The following PTCHD4 variants were observed in gnomAD, a reference collection of about 807,000 sequenced individuals.
The protein encoded by PTCHD4 is patched domain containing 4.
Under a neutral mutation model 58.1 loss-of-function variants are expected in PTCHD4, and 33 were observed. The ratio of observed to expected loss-of-function variants is 0.57; its 90% confidence interval spans 0.43 to 0.76. The LOEUF is 0.76. Ranked by LOEUF, PTCHD4 falls within the 30% of genes least tolerant of loss-of-function variation. PTCHD4 has a pLI of 0.00. For synonymous variants in PTCHD4, 478 were observed against 409.6 expected (o/e 1.17, Z -2.02); for missense variants, 1,058 against 1,027.1 (o/e 1.03, Z -0.41).
chr6:47,982,647 C>A (rs1322924707), intron 4 of PTCHD4, among the ~76,000 whole-genome samples: 2 of 152,068 alleles, frequency 1.3e-5, no homozygotes, highest in Non-Finnish European at 2.9e-5. Flanking sequence ...CGCCACCAGG[C>A]CGGCTAATTT....
At chr6:48,005,290 T>C (rs1280234549) in intron 4 of PTCHD4, among the ~76,000 whole-genome samples, 2 of 152,204 alleles carry the variant, frequency 1.3e-5, no homozygotes, top group East Asian at 1.9e-4. Flanking sequence ...GGGATGATAC[T>C]GATAAGCATG....
chr6:47,953,199 G>C (rs1285549794), intron 4 of PTCHD4, among the ~76,000 whole-genome samples: 2 of 151,908 alleles, frequency 1.3e-5, no homozygotes, highest in African/African-American at 4.8e-5. Flanking sequence ...TTTGACACTT[G>C]TATGCAAAAA....
At chr6:47,980,656 A>G (rs999403228) in intron 4 of PTCHD4, among the ~76,000 whole-genome samples, 1 of 151,942 alleles carries the variant, frequency 6.6e-6, no homozygotes, top group Non-Finnish European at 1.5e-5. Flanking sequence ...CTTTGCATGA[A>G]ATTTTATTTA....
chr6:47,947,076 C>T (rs1766451221), intron 4 of PTCHD4, among the ~76,000 whole-genome samples: 1 of 152,180 alleles, frequency 6.6e-6, no homozygotes, highest in East Asian at 1.9e-4. Flanking sequence ...ACCAAGTGAT[C>T]CTCCTGTCTT....
Position 47,858,226 on chromosome 6 carries a change from A to G in PTCHD4, c.*20077T>C, listed in dbSNP as rs533593948. Among the ~76,000 whole-genome samples the G allele has an allele frequency of 6.6e-6, 1 of 152,136 alleles. No individual in the cohort carries two copies. The highest frequency in any genetic ancestry group is 2.1e-4 in the South Asian group (1 of 4,824). On this transcript the variant is annotated 3_prime_UTR_variant, in exon 5 of 5. Transcript: ENST00000339488. Reference sequence around the variant, plus strand: ...TCATAAACATACTTGATTTTATAGCAGGCACCCCCAATTTTGGATTCAGGG... The same window carrying G: ...TCATAAACATACTTGATTTTATAGCGGGCACCCCCAATTTTGGATTCAGGG...
chr6:48,001,534 G>T (rs1020559266), intron 4 of PTCHD4, among the ~76,000 whole-genome samples: 1 of 152,188 alleles, frequency 6.6e-6, no homozygotes, highest in Admixed American at 6.5e-5. Flanking sequence ...AATAAATGGT[G>T]CTGGGAAAAC....
intron 4 of PTCHD4, among the ~76,000 whole-genome samples, chr6:48,008,223 G>T (rs950246548): frequency 1.1e-4 from 16 of 152,036 alleles, no homozygotes; most frequent in Admixed American, 1.0e-3. Context: ...ACACATCATT[G>T]GTCCTCAGAA....
At chr6:47,888,079 C>T (rs540803765) in intron 4 of PTCHD4, among the ~76,000 whole-genome samples, 2 of 152,248 alleles carry the variant, frequency 1.3e-5, no homozygotes, top group East Asian at 1.9e-4. Flanking sequence ...AGAGTAGGGA[C>T]GGGCATGGTG....
rs527919629 is a variant in PTCHD4, at chr6:47,867,784, C to A, written c.*10519G>T. 6.6e-6 allele frequency among the ~76,000 whole-genome samples: 1 copy of A among 151,836 alleles called. No individual in the cohort carries two copies. The highest frequency in any genetic ancestry group is 2.1e-4 in the South Asian group (1 of 4,824). ...TTACTTTCCTTGAATACTCCAGCTGCAAATTTCCTCAACAGATCATGCATA... is the reference window on the plus strand; with the variant it reads ...TTACTTTCCTTGAATACTCCAGCTGAAAATTTCCTCAACAGATCATGCATA... On this transcript the variant is annotated 3_prime_UTR_variant, in exon 5 of 5. Transcript: ENST00000339488.
chr6:48,067,155 T>C (rs1764827930), intron 3 of PTCHD4, among the ~76,000 whole-genome samples: 1 of 152,182 alleles, frequency 6.6e-6, no homozygotes, highest in Admixed American at 6.5e-5. Flanking sequence ...AGTGACTCTT[T>C]TGGAAGTCAC....
At chr6:48,047,435 T>A (rs1764075020) in intron 3 of PTCHD4, among the ~76,000 whole-genome samples, 1 of 151,820 alleles carries the variant, frequency 6.6e-6, no homozygotes, top group South Asian at 2.1e-4. Context: ...TGAAAAAATG[T>A]GTTTGATTGT....
intron 4 of PTCHD4, among the ~76,000 whole-genome samples, chr6:48,002,623 G>T (rs537487160): frequency 1.3e-5 from 2 of 151,860 alleles, no homozygotes; most frequent in African/African-American, 2.4e-5. Context: ...GTGGGGGTAG[G>T]GGGGAGGGAT....
chr6:47,893,533 T>A (rs1764443061), intron 4 of PTCHD4, among the ~76,000 whole-genome samples: 1 of 152,216 alleles, frequency 6.6e-6, no homozygotes, highest in African/African-American at 2.4e-5. Context: ...GGCATCAGGC[T>A]ATGTGGGTTT....
At chr6:48,053,786 A>C (rs960091966) in intron 3 of PTCHD4, among the ~76,000 whole-genome samples, 12 of 152,144 alleles carry the variant, frequency 7.9e-5, no homozygotes, top group Admixed American at 6.5e-4. Flanking sequence ...AGATTAGGGA[A>C]GTACAGGAAA....
chr6:47,898,085 C>T (rs1178205156), intron 4 of PTCHD4, among the ~76,000 whole-genome samples: 1 of 151,158 alleles, frequency 6.6e-6, no homozygotes, highest in African/African-American at 2.4e-5. Flanking sequence ...GCTGGGACTA[C>T]AGGCGTGTGC....
intron 4 of PTCHD4, among the ~76,000 whole-genome samples, chr6:47,921,085 CATTT>C (rs1644081693): frequency 1.3e-5 from 2 of 152,206 alleles, no homozygotes; most frequent in African/African-American, 4.8e-5. Context: ...AACTGGCTAA[CATTT>C]AAAGAAAATA....
chr6:48,092,625 G>A (rs1765389783), intron 1 of PTCHD4, among the ~76,000 whole-genome samples: 1 of 152,114 alleles, frequency 6.6e-6, no homozygotes. Flanking sequence ...ATCAATGATT[G>A]GATAATCACT....
intron 1 of PTCHD4, among the ~76,000 whole-genome samples, chr6:48,086,192 A>C (rs1202757027): frequency 6.6e-6 from 1 of 152,254 alleles, no homozygotes; most frequent in African/African-American, 2.4e-5. Context: ...GAAAGCAGCC[A>C]CTGACAATGT....
rs1387275160 is a variant in PTCHD4 at position 48,032,465 on chromosome 6, TG to T, written c.418-23352del. Among the ~76,000 whole-genome samples, 3 of 152,066 alleles carry T rather than the reference TG, an allele frequency of 2.0e-5. No individual in the cohort carries two copies. The East Asian group carries it at 5.8e-4, about 29-fold the overall frequency. Reference sequence around the variant, plus strand: ...GTGTATGTGTGTGTGTGTGTGTTTATGTAGTGGGAAGGGACATTTCCAAAAT... The same window carrying T: ...GTGTATGTGTGTGTGTGTGTGTTTATTAGTGGGAAGGGACATTTCCAAAAT... On this transcript the variant is annotated intron_variant, in intron 3 of 4. Transcript: ENST00000339488.
Sources: gnomAD v4.1 joint callset for allele counts (sites outside exome capture counted in the v4.1 genomes callset) on GRCh38, gnomAD v4.1.1 for gene constraint, MANE v1.5 for transcripts, NCBI Gene and HGNC (gene_info 2026-07-23, HGNC 2026-07-21) for gene names.